IER3IP1: variants seen among roughly 807,000 people sequenced by gnomAD.
IER3IP1 encodes the protein immediate early response 3-interacting protein 1.
A neutral mutation model predicts 12.2 loss-of-function variants in IER3IP1; 16 were observed. That is an observed-to-expected ratio of 1.31 (90% CI 0.89 to 1.99). IER3IP1 has a LOEUF of 1.99. Among genes scored for constraint, IER3IP1 ranks in the 30% most tolerant of loss-of-function variants. The pLI, the probability that IER3IP1 is intolerant of heterozygous loss-of-function variation, is 0.00. For synonymous variants in IER3IP1, 42 were observed against 40.0 expected, an observed-to-expected ratio of 1.05 and a Z score of -0.19; for missense variants, 95 against 95.8, an observed-to-expected ratio of 0.99 and a Z score of 0.03.
In IER3IP1 at chr18:47,154,528, TA is replaced by T. The variant is rs1433268078; in HGVS notation, c.*1648del. ...TCAAGGTCTCTCTTTTCTTTCATTTTAAAAAATTTTGTACTGCTCATACCAT... is the reference window on the plus strand; with the variant it reads ...TCAAGGTCTCTCTTTTCTTTCATTTTAAAAATTTTGTACTGCTCATACCAT... On this transcript the variant is annotated 3_prime_UTR_variant, in exon 3 of 3. Transcript: ENST00000256433. 6.6e-6 allele frequency: 1 copy of T among 152,240 alleles called. No homozygotes were observed. Among genetic ancestry groups the T allele is most frequent in the African/African-American group, 2.4e-5 (1 of 41,468 alleles). 9.4% of individuals were successfully genotyped at this position (152,240 alleles called of 1,614,324 possible).
chr18:47,164,148 T>C (rs551512153), intron 1 of IER3IP1, among the ~76,000 whole-genome samples: 1 of 152,120 alleles, frequency 6.6e-6, no homozygotes, highest in Non-Finnish European at 1.5e-5. Flanking sequence ...AAAAAATTGC[T>C]CTTCAACAAA....
At chr18:47,166,594 G>T (rs2063996620) in intron 1 of IER3IP1, among the ~76,000 whole-genome samples, 1 of 152,158 alleles carries the variant, frequency 6.6e-6, no homozygotes, top group South Asian at 2.1e-4. Flanking sequence ...ACATGAGAGT[G>T]TTGAAGTTTA....
chr18:47,165,103 G>A (rs1463585641), intron 1 of IER3IP1, among the ~76,000 whole-genome samples: 1 of 152,140 alleles, frequency 6.6e-6, no homozygotes, highest in Non-Finnish European at 1.5e-5. Flanking sequence ...CAGCCTCTCT[G>A]AGATCAATTT....
intron 1 of IER3IP1, among the ~76,000 whole-genome samples, chr18:47,161,428 C>T (rs951469163): frequency 2.0e-5 from 3 of 152,170 alleles, no homozygotes; most frequent in Non-Finnish European, 4.4e-5. Flanking sequence ...TTGTCACTAT[C>T]GCAGCCTTTG....
intron 1 of IER3IP1, among the ~76,000 whole-genome samples, chr18:47,160,274 C>G (rs190712031): frequency 6.6e-6 from 1 of 152,266 alleles, no homozygotes; most frequent in Admixed American, 6.5e-5. Flanking sequence ...TCCACATCCA[C>G]TTATATAGAG....
At chr18:47,167,069 G>A (rs1318940001) in intron 1 of IER3IP1, among the ~76,000 whole-genome samples, 1 of 148,118 alleles carries the variant, frequency 6.8e-6, no homozygotes, top group Non-Finnish European at 1.5e-5. Context: ...TTTTTTTTCT[G>A]AGATGGAGTT....
chr18:47,171,459 T>C (rs551669434), intron 1 of IER3IP1, among the ~76,000 whole-genome samples: 48 of 152,334 alleles, frequency 3.2e-4, no homozygotes, highest in Admixed American at 1.1e-3. Context: ...TTAAGTCTTC[T>C]TTAAATGTTT....
rs1263064045 is a variant in IER3IP1, at chr18:47,156,063, C to T, written c.*114G>A. The T allele has an allele frequency of 1.4e-6, 1 of 700,490 alleles. No homozygotes were observed. Among genetic ancestry groups the T allele is most frequent in the East Asian group, 2.6e-5 (1 of 38,600 alleles). 43.4% of individuals were successfully genotyped at this position (700,490 alleles called of 1,614,324 possible). The stretch of plus-strand genomic sequence containing the variant: ...AACCCTGGTTTTATTTTCAGCTTTA[C>T]ATTTTTGACAAGTGCAAGGTCAGCC... On this transcript the variant is annotated 3_prime_UTR_variant, in exon 3 of 3. Coordinates refer to ENST00000256433, the MANE Select transcript of IER3IP1 (RefSeq NM_016097.5).
chr18:47,174,561 C>T (rs894040753), intron 1 of IER3IP1, among the ~76,000 whole-genome samples: 2 of 151,578 alleles, frequency 1.3e-5, no homozygotes, highest in African/African-American at 4.8e-5. Context: ...CCCAGCCATT[C>T]GGGAAGCTGA....
chr18:47,175,460 T>G (rs2064029233), intron 1 of IER3IP1, among the ~76,000 whole-genome samples: 1 of 1,780 alleles, frequency 5.6e-4, no homozygotes, highest in Non-Finnish European at 1.0e-3. Context: ...CAACTCGTTT[T>G]GTTTTGTTTG....
In IER3IP1 at chr18:47,176,274, C is replaced by T. The variant is rs566078666; in HGVS notation, c.4G>A (p.Ala2Thr). ...TGCAGCAGTGAGTACAGGGTAAAGGCCATGGCCGTCCGAGGCCGCCCCGAA... is the reference window on the plus strand; with the variant it reads ...TGCAGCAGTGAGTACAGGGTAAAGGTCATGGCCGTCCGAGGCCGCCCCGAA... M[A>T]FTLYSLLQAA... The change falls in exon 1 of 3, where the codon GCC (alanine) becomes ACC (threonine). Residue 2 changes from alanine to threonine, a missense_variant. Transcript: ENST00000256433. 1.2e-6 allele frequency: 2 copies of T among 1,606,716 alleles called. No homozygotes were observed. Among genetic ancestry groups the T allele is most frequent in the South Asian group, 1.1e-5 (1 of 89,788 alleles).
rs912233618 is a variant in IER3IP1 at position 47,172,708 on chromosome 18, C to T, written c.91+3479G>A. Among the ~76,000 whole-genome samples the T allele has an allele frequency of 6.6e-6, 1 of 152,124 alleles. No individual in the cohort carries two copies. Among genetic ancestry groups the T allele is most frequent in the Admixed American group, 6.6e-5 (1 of 15,264 alleles). On this transcript the variant is annotated intron_variant, in intron 1 of 2. Transcript: ENST00000256433. This position sits in a 1 kb window ranked among gnomAD's most constrained non-coding sequence, Gnocchi z 4.0. ...TGAATTGCTTATTTCTGCAATTTTC[C>T]AATTAGTACTTTCAGATGGCAGGCT...
chr18:47,157,553 A>G lies in IER3IP1; in HGVS notation c.92-16T>C. 1 of 1,609,152 alleles carries G rather than the reference A, an allele frequency of 6.2e-7. No individual in the cohort carries two copies. The highest frequency in any genetic ancestry group is 1.1e-5 in the South Asian group (1 of 90,980). On this transcript the variant is annotated splice_polypyrimidine_tract_variant and intron_variant, in intron 1 of 2. Transcript: ENST00000256433. ...CCCCAGCCAACTGTATAATGTAAAG[A>G]TTAGCTGTGTTAAAAGTTATTACAC...
In IER3IP1 at chr18:47,176,303, C is replaced by G. The variant is rs763940333; in HGVS notation, c.-26G>C. On this transcript the variant is annotated 5_prime_UTR_variant, in exon 1 of 3. Coordinates refer to ENST00000256433, the MANE Select transcript of IER3IP1 (RefSeq NM_016097.5). Reference sequence around the variant, plus strand: ...GGCCGTCCGAGGCCGCCCCGAAGTCCAAGCGATTTCTCTCCCGCCGCCGCA... The same window carrying G: ...GGCCGTCCGAGGCCGCCCCGAAGTCGAAGCGATTTCTCTCCCGCCGCCGCA... 3.8e-6 allele frequency: 6 copies of G among 1,575,720 alleles called. No homozygotes were observed. In the African/African-American group the frequency reaches 5.4e-5, roughly 14 times the overall value.
intron 1 of IER3IP1, among the ~76,000 whole-genome samples, chr18:47,175,053 G>C (rs2064027663): frequency 6.6e-6 from 1 of 152,206 alleles, no homozygotes; most frequent in African/African-American, 2.4e-5. Context: ...GAAGGGCAGA[G>C]TAGCTGCTGT....
chr18:47,175,590 C>A (rs1343814931), intron 1 of IER3IP1, among the ~76,000 whole-genome samples: 3 of 152,046 alleles, frequency 2.0e-5, no homozygotes, highest in South Asian at 2.1e-4. Context: ...CAGCCTCCCG[C>A]CCGGCTAATT....
chr18:47,164,456 A>G (rs1010915155), intron 1 of IER3IP1, among the ~76,000 whole-genome samples: 2 of 151,992 alleles, frequency 1.3e-5, no homozygotes, highest in Admixed American at 1.3e-4. Context: ...TTTTCTCAGG[A>G]ACCTAGCCAA....
chr18:47,158,613 A>G (rs2063969289), intron 1 of IER3IP1, among the ~76,000 whole-genome samples: 1 of 151,670 alleles, frequency 6.6e-6, no homozygotes, highest in Non-Finnish European at 1.5e-5. Flanking sequence ...GATTACAGGC[A>G]TGAGTCACCG....
chr18:47,153,356 G>C lies in IER3IP1; in HGVS notation c.*2821C>G, dbSNP rs1347265079. Reference sequence around the variant, plus strand: ...ACATTGTACTCAGTATGTAGTTTCTGTTTCCCTCACCCCCTCCCACCCTCC... The same window carrying C: ...ACATTGTACTCAGTATGTAGTTTCTCTTTCCCTCACCCCCTCCCACCCTCC... On this transcript the variant is annotated 3_prime_UTR_variant, in exon 3 of 3. Transcript: ENST00000256433. The C allele has an allele frequency of 1.3e-5, 2 of 152,110 alleles. No homozygotes were observed. Among genetic ancestry groups the C allele is most frequent in the Non-Finnish European group, 2.9e-5 (2 of 68,042 alleles). 9.4% of individuals were successfully genotyped at this position (152,110 alleles called of 1,614,324 possible).
Sources: gnomAD v4.1 joint callset for allele counts (sites outside exome capture counted in the v4.1 genomes callset) on GRCh38, gnomAD v4.1.1 for gene constraint, Gnocchi (gnomAD v3.1) non-coding constraint, MANE v1.5 for transcripts, NCBI Gene and HGNC (gene_info 2026-07-23, HGNC 2026-07-21) for gene names.